Variants in ERC2 observed in about 807,000 individuals in gnomAD.
ERC2 encodes the protein ERC protein 2.
Under a neutral mutation model 114.8 loss-of-function variants are expected in ERC2, and 42 were observed. The ratio of observed to expected loss-of-function variants is 0.37; its 90% CI spans 0.29 to 0.47. The LOEUF (loss-of-function observed/expected upper bound fraction) is 0.47, where lower values mean the gene tolerates loss of function less well. Ranked by LOEUF, ERC2 falls within the 20% of genes least tolerant of loss-of-function variation. ERC2 has a pLI of 0.99. For synonymous variants in ERC2, 454 were observed against 425.5 expected (o/e 1.07, Z -0.82); for missense variants, 939 against 1,150.7 (o/e 0.82, Z 2.66).
chr3:55,724,242 G>A lies in ERC2; in HGVS notation c.2712+10529C>T, dbSNP rs1353398515. ...CTGGTGATGCAGGAAGAGATAAGTC[G>A]CCCTTCCCAGCCTGCACATGGTGGC... On this transcript the variant is annotated intron_variant, in intron 15 of 17. Coordinates refer to ENST00000288221, the MANE Select transcript of ERC2 (RefSeq NM_015576.3). Among the ~76,000 whole-genome samples the A allele has an allele frequency of 5.9e-5, 9 of 152,298 alleles. No individual in the cohort carries two copies. The East Asian group carries it at 7.7e-4, about 13-fold the overall frequency.
At chr3:55,782,462 C>A (rs1024053340) in intron 14 of ERC2, among the ~76,000 whole-genome samples, 2 of 152,188 alleles carry the variant, frequency 1.3e-5, no homozygotes, top group African/African-American at 4.8e-5. Context: ...CAGTACCCGT[C>A]TCTCCATTTC....
intron 17 of ERC2, among the ~76,000 whole-genome samples, chr3:55,598,218 C>A (rs2058240143): frequency 6.6e-6 from 1 of 152,198 alleles, no homozygotes; most frequent in South Asian, 2.1e-4. Flanking sequence ...CTCAAATTAT[C>A]ATTTCTTATA....
chr3:55,633,847 C>T (rs1215975107), intron 17 of ERC2, among the ~76,000 whole-genome samples: 1 of 152,180 alleles, frequency 6.6e-6, no homozygotes, highest in Non-Finnish European at 1.5e-5. Flanking sequence ...ACAAAGCTGA[C>T]TGATGCACAT....
At chr3:55,857,868 G>A (rs376596213) in intron 14 of ERC2, among the ~76,000 whole-genome samples, 2 of 152,100 alleles carry the variant, frequency 1.3e-5, no homozygotes, top group East Asian at 3.9e-4. Flanking sequence ...AAATGGTTGG[G>A]TACCTCTTCA....
rs1308659052 is a variant in ERC2 at position 55,508,976 on chromosome 3, T to C, written c.*2340A>G. ...CTTCCCAACATCACAGTGTTTGTTG[T>C]AAACCCAGAGACTATTCTTAATATG... On this transcript the variant is annotated 3_prime_UTR_variant, in exon 18 of 18. Coordinates refer to ENST00000288221, the MANE Select transcript of ERC2 (RefSeq NM_015576.3). 1 of 152,640 alleles carries C rather than the reference T, an allele frequency of 6.6e-6. No individual in the cohort carries two copies. The highest frequency in any genetic ancestry group is 2.4e-5 in the African/African-American group (1 of 41,440). 9.5% of individuals were successfully genotyped at this position (152,640 alleles called of 1,614,324 possible).
intron 14 of ERC2, among the ~76,000 whole-genome samples, chr3:55,821,666 T>C (rs1391729924): frequency 1.3e-5 from 2 of 152,242 alleles, no homozygotes; most frequent in African/African-American, 4.8e-5. Context: ...GTAGCATGCA[T>C]GCAAATGTCT....
intron 6 of ERC2, among the ~76,000 whole-genome samples, chr3:56,088,741 A>T (rs564680144): frequency 3.3e-5 from 5 of 152,324 alleles, no homozygotes; most frequent in African/African-American, 9.6e-5. Context: ...AACATTTCTA[A>T]GGTATTACAA....
chr3:55,654,438 C>T (rs2060772425), intron 17 of ERC2, among the ~76,000 whole-genome samples: 1 of 152,222 alleles, frequency 6.6e-6, no homozygotes, highest in South Asian at 2.1e-4. Flanking sequence ...TGCATCTGGA[C>T]AAAATATGCT....
chr3:55,981,326 A>G (rs901540073), intron 12 of ERC2, among the ~76,000 whole-genome samples: 2 of 152,244 alleles, frequency 1.3e-5, no homozygotes, highest in Non-Finnish European at 2.9e-5. Flanking sequence ...GGCAGCTTTA[A>G]AGAAGGATAT....
At chr3:56,283,452 A>G (rs183547213) in intron 3 of ERC2, among the ~76,000 whole-genome samples, 33 of 152,272 alleles carry the variant, frequency 2.2e-4, no homozygotes, top group Admixed American at 5.2e-4. Context: ...GCAACATAGT[A>G]AGACCCCATC....
chr3:56,016,389 C>T (rs2073306736), intron 8 of ERC2, among the ~76,000 whole-genome samples: 1 of 149,616 alleles, frequency 6.7e-6, no homozygotes, highest in South Asian at 2.1e-4. Context: ...AAGACTAGCC[C>T]TAGAGTCATG....
chr3:56,033,405 G>A (rs1281009824), intron 7 of ERC2, among the ~76,000 whole-genome samples: 2 of 152,148 alleles, frequency 1.3e-5, no homozygotes, highest in African/African-American at 4.8e-5. Context: ...TTTACAGTGA[G>A]TTTTAAACTT....
chr3:56,228,581 C>T (rs554524216), intron 3 of ERC2, among the ~76,000 whole-genome samples: 1 of 152,128 alleles, frequency 6.6e-6, no homozygotes, highest in Non-Finnish European at 1.5e-5. Flanking sequence ...TCTATATCAC[C>T]TTTTGTTTTG....
intron 2 of ERC2, among the ~76,000 whole-genome samples, chr3:56,407,534 G>A (rs989909741): frequency 2.0e-5 from 3 of 152,164 alleles, no homozygotes; most frequent in African/African-American, 7.2e-5. Context: ...CCAACTTTGG[G>A]TGAGTCTATC....
intron 17 of ERC2, among the ~76,000 whole-genome samples, chr3:55,663,821 T>G (rs774584222): frequency 4.6e-5 from 7 of 152,174 alleles, no homozygotes; most frequent in South Asian, 2.1e-4. Flanking sequence ...TACCACACTG[T>G]CCCCCAGGAC....
intron 3 of ERC2, among the ~76,000 whole-genome samples, chr3:56,226,638 T>C (rs1318270449): frequency 6.6e-6 from 1 of 152,032 alleles, no homozygotes; most frequent in East Asian, 1.9e-4. Context: ...GATGAGATAG[T>C]ACAAGGCACT....
At chr3:56,051,413 A>G (rs1343533128) in intron 7 of ERC2, among the ~76,000 whole-genome samples, 1 of 152,124 alleles carries the variant, frequency 6.6e-6, no homozygotes, top group Non-Finnish European at 1.5e-5. Context: ...TATTTTTTAG[A>G]AAAAAAGGGG....
chr3:56,155,390 G>A (rs189326336), intron 4 of ERC2, among the ~76,000 whole-genome samples: 85 of 148,754 alleles, frequency 5.7e-4, no homozygotes, highest in Non-Finnish European at 1.1e-3. Flanking sequence ...GAAAATAACC[G>A]CATGACTGGA....
chr3:55,842,920 TGAGAGA>T (rs765107977), intron 14 of ERC2, among the ~76,000 whole-genome samples: 1 of 150,878 alleles, frequency 6.6e-6, no homozygotes, highest in Non-Finnish European at 1.5e-5. Context: ...AAGGAGTGTG[TGAGAGA>T]GAGAGAGAGA....
Sources: gnomAD v4.1 joint callset for allele counts (sites outside exome capture counted in the v4.1 genomes callset) on GRCh38, gnomAD v4.1.1 for gene constraint, MANE v1.5 for transcripts, NCBI Gene and HGNC (gene_info 2026-07-23, HGNC 2026-07-21) for gene names.